ADK: variants seen among roughly 807,000 people sequenced by gnomAD.
ADK encodes adenosine kinase, also known as N6,N6-dimethyladenosine kinase.
In ADK, 24 loss-of-function variants were observed where a neutral mutation model predicts 44.7. That is an observed-to-expected ratio of 0.54 (90% CI 0.39 to 0.76). ADK has a LOEUF of 0.76. Ranked by LOEUF, ADK falls within the 30% of genes least tolerant of loss-of-function variation. The pLI, the probability that ADK is intolerant of heterozygous loss-of-function variation, is 0.00. For missense variants in ADK, 321 were observed against 425.1 expected (o/e 0.76, Z 2.15); for synonymous variants, 128 against 142.6 (o/e 0.90, Z 0.73).
At position 74,708,350 on chromosome 10, in the gene ADK, C is replaced by T; in HGVS notation, c.994C>T (p.Pro332Ser). ...GFLSQLVSDK[P>S]LTECIRAGHY... ...TCTGTCTCAACTGGTCTCTGACAAG[C>T]CTCTGACTGAATGTATCCGTGCTGG... The change falls in exon 11 of 11, where the codon CCT becomes TCT. Residue 332 changes from proline (P) to serine (S), a missense_variant. Transcript: ENST00000539909. The T allele has an allele frequency of 2.0e-5, 33 of 1,612,098 alleles. No homozygotes were observed. The highest frequency in any genetic ancestry group is 2.7e-5 in the Non-Finnish European group (32 of 1,179,428).
At chr10:74,479,927 T>G (rs1847003973) in intron 6 of ADK, among the ~76,000 whole-genome samples, 2 of 152,098 alleles carry the variant, frequency 1.3e-5, no homozygotes, top group Admixed American at 1.3e-4. Flanking sequence ...TAATTTATAA[T>G]TATAATTATC....
At chr10:74,271,808 T>G (rs573511755) in intron 3 of ADK, among the ~76,000 whole-genome samples, 1 of 152,056 alleles carries the variant, frequency 6.6e-6, no homozygotes, top group East Asian at 1.9e-4. Context: ...AAGTATATCT[T>G]TTTTCTTTAA....
At chr10:74,667,077 C>T (rs980825682) in intron 9 of ADK, among the ~76,000 whole-genome samples, 13 of 152,120 alleles carry the variant, frequency 8.5e-5, no homozygotes, top group Admixed American at 2.6e-4. Flanking sequence ...GTGATCCACC[C>T]GCCTCAGCCT....
chr10:74,627,773 C>T (rs1192272550), intron 9 of ADK, among the ~76,000 whole-genome samples: 2 of 152,132 alleles, frequency 1.3e-5, no homozygotes, highest in Non-Finnish European at 2.9e-5. Flanking sequence ...GCTAGGATTA[C>T]AGGTATACAT....
intron 4 of ADK, among the ~76,000 whole-genome samples, chr10:74,357,977 T>C (rs753860096): frequency 5.3e-5 from 8 of 152,166 alleles, no homozygotes; most frequent in Non-Finnish European, 1.0e-4. Context: ...AAATGAAATA[T>C]TCACTTAAAA....
At chr10:74,667,800 T>C (rs1855017917) in intron 9 of ADK, among the ~76,000 whole-genome samples, 1 of 152,110 alleles carries the variant, frequency 6.6e-6, no homozygotes, top group Non-Finnish European at 1.5e-5. Context: ...CCCAAAGTGC[T>C]AGGATTACAG....
chr10:74,604,058 G>C (rs149216231), intron 9 of ADK, among the ~76,000 whole-genome samples: 4 of 152,314 alleles, frequency 2.6e-5, no homozygotes, highest in African/African-American at 9.6e-5. Context: ...CTTTTGAGAA[G>C]TGTCTGTTCA....
intron 6 of ADK, among the ~76,000 whole-genome samples, chr10:74,401,049 A>G (rs539294155): frequency 1.3e-5 from 2 of 152,316 alleles, no homozygotes; most frequent in East Asian, 3.9e-4. Flanking sequence ...TTTACCTTTC[A>G]TAATAAATGT....
chr10:74,474,502 T>C (rs531394870), intron 6 of ADK, among the ~76,000 whole-genome samples: 1 of 151,846 alleles, frequency 6.6e-6, no homozygotes, highest in East Asian at 1.9e-4. Flanking sequence ...TTTCCTCTCC[T>C]TTCCTTCCCT....
chr10:74,308,662 G>C (rs772378841), intron 3 of ADK, among the ~76,000 whole-genome samples: 85 of 152,188 alleles, frequency 5.6e-4, no homozygotes, highest in Non-Finnish European at 1.1e-3. Flanking sequence ...AGTTATGAAT[G>C]CTTTCTTAAG....
chr10:74,274,912 A>T (rs2132423298), intron 3 of ADK, among the ~76,000 whole-genome samples: 1 of 151,686 alleles, frequency 6.6e-6, no homozygotes, highest in South Asian at 2.1e-4. Flanking sequence ...CGTTTTTGAT[A>T]TGGTACTCAG....
chr10:74,420,460 A>G (rs1248639051), intron 6 of ADK, among the ~76,000 whole-genome samples: 2 of 152,076 alleles, frequency 1.3e-5, no homozygotes, highest in Admixed American at 6.5e-5. Flanking sequence ...GTAGTTTTCT[A>G]TTTTTTGTTA....
chr10:74,405,676 GTGCAACAGTTTCATCC>G (rs889704411), intron 6 of ADK, among the ~76,000 whole-genome samples: 1 of 151,968 alleles, frequency 6.6e-6, no homozygotes, highest in African/African-American at 2.4e-5. Flanking sequence ...ATGATCTGAG[GTGCAACAGTTTCATCC>G]TGAAACCACG....
chr10:74,453,345 CT>C (rs1342412358), intron 6 of ADK, among the ~76,000 whole-genome samples: 2 of 152,070 alleles, frequency 1.3e-5, no homozygotes, highest in African/African-American at 4.8e-5. Context: ...AATATTTGAT[CT>C]TTTTCCCACC....
At chr10:74,548,105 T>G (rs1849904064) in intron 7 of ADK, among the ~76,000 whole-genome samples, 1 of 152,232 alleles carries the variant, frequency 6.6e-6, no homozygotes. Flanking sequence ...TAATATATTT[T>G]CAACATTTTC....
At chr10:74,242,924 A>G (rs774833465) in intron 3 of ADK, among the ~76,000 whole-genome samples, 3 of 152,166 alleles carry the variant, frequency 2.0e-5, no homozygotes, top group Non-Finnish European at 4.4e-5. Flanking sequence ...CTCCACTGAG[A>G]GCCATTTCCA....
chr10:74,267,726 G>A (rs1846261852), intron 3 of ADK, among the ~76,000 whole-genome samples: 1 of 146,380 alleles, frequency 6.8e-6, no homozygotes, highest in Non-Finnish European at 1.5e-5. Flanking sequence ...GTAGGGTACT[G>A]CCATCAGCTA....
intron 7 of ADK, among the ~76,000 whole-genome samples, chr10:74,542,123 C>A (rs533351811): frequency 6.6e-6 from 1 of 152,136 alleles, no homozygotes; most frequent in African/African-American, 2.4e-5. Flanking sequence ...CACCTGTAGT[C>A]CCAGCTACTT....
chr10:74,480,025 A>C (rs1453613109), intron 6 of ADK, among the ~76,000 whole-genome samples: 1 of 151,870 alleles, frequency 6.6e-6, no homozygotes, highest in East Asian at 1.9e-4. Flanking sequence ...CTTCTAATAC[A>C]TTTCTCAGGA....
Sources: gnomAD v4.1 joint callset for allele counts (sites outside exome capture counted in the v4.1 genomes callset) on GRCh38, gnomAD v4.1.1 for gene constraint, MANE v1.5 for transcripts, NCBI Gene and HGNC (gene_info 2026-07-23, HGNC 2026-07-21) for gene names.